The following SLC25A17 variants were observed in gnomAD, a reference collection of about 807,000 sequenced individuals.
The protein encoded by SLC25A17 is peroxisomal membrane protein PMP34.
In SLC25A17, 26 loss-of-function variants were observed where a neutral mutation model predicts 38.5. The observed-to-expected ratio is 0.68, with a 90% CI of 0.50 to 0.94. SLC25A17 has a LOEUF of 0.94. Ranked by LOEUF, SLC25A17 falls within the 40% of genes least tolerant of loss-of-function variation. The pLI is 0.00. For synonymous variants in SLC25A17, 139 were observed against 136.2 expected, an observed-to-expected ratio of 1.02 and a Z score of -0.14; for missense variants, 333 against 372.7, an observed-to-expected ratio of 0.89 and a Z score of 0.88.
Position 40,794,543 on chromosome 22 carries a change from C to T in SLC25A17, c.153G>A (p.Val51=), listed in dbSNP as rs1315038952. 1.9e-6 allele frequency: 3 copies of T among 1,611,864 alleles called. No individual in the cohort carries two copies. Among genetic ancestry groups the T allele is most frequent in the South Asian group, 1.1e-5 (1 of 90,964 alleles). The change falls in exon 3 of 9, where the codon GTG becomes GTA. Residue 51 remains valine (V), a synonymous_variant. Coordinates refer to ENST00000435456, the MANE Select transcript of SLC25A17 (RefSeq NM_006358.4). The part of the protein sequence containing the change: ...EKRKSKTTHM[V]LLEIIKEEGL... ...CTTCTTCTTTAATGATCTCCAGGAG[C>T]ACCATGTGTGTAGTTTTGGATTTTC...
chr22:40,803,805 C>T (rs2057504594), intron 1 of SLC25A17, among the ~76,000 whole-genome samples: 1 of 150,496 alleles, frequency 6.6e-6, no homozygotes, highest in South Asian at 2.1e-4. Flanking sequence ...TCCTCACCAG[C>T]ATTTGCTAGT....
At chr22:40,815,274 A>G (rs1164475059) in intron 1 of SLC25A17, among the ~76,000 whole-genome samples, 1 of 152,340 alleles carries the variant, frequency 6.6e-6, no homozygotes, top group East Asian at 1.9e-4. Flanking sequence ...GGTTAAAGCT[A>G]TAGGAAAGAG....
In SLC25A17 at chr22:40,794,577, TCAACTA is replaced by T. The variant is rs758189000; in HGVS notation, c.116-3_118del. The T allele has an allele frequency of 6.2e-7, 1 of 1,606,260 alleles. No homozygotes were observed. Among genetic ancestry groups the T allele is most frequent in the East Asian group, 2.2e-5 (1 of 44,790 alleles). ...TGTAGTTTTGGATTTTCTTTTCTCA[TCAACTA>T]CAAGACCAAACAGTGCATGTTTATT... On this transcript the variant is annotated splice_acceptor_variant and splice_polypyrimidine_tract_variant and coding_sequence_variant and intron_variant, in exon 3 of 9. Coordinates refer to ENST00000435456, the MANE Select transcript of SLC25A17 (RefSeq NM_006358.4). LOFTEE classifies it high-confidence loss of function.
At chr22:40,809,898 G>C (rs2057563566) in intron 1 of SLC25A17, among the ~76,000 whole-genome samples, 1 of 151,978 alleles carries the variant, frequency 6.6e-6, no homozygotes, top group Admixed American at 6.6e-5. Flanking sequence ...TCCTTTCCAG[G>C]AAAACTCTAT....
At chr22:40,784,913 G>A (rs12160193) in intron 4 of SLC25A17, among the ~76,000 whole-genome samples, 8 of 152,052 alleles carry the variant, frequency 5.3e-5, no homozygotes, top group African/African-American at 1.9e-4. Flanking sequence ...GCAGCCAACT[G>A]TTCAAATAAG....
chr22:40,786,519 C>T (rs1006094118), intron 4 of SLC25A17, among the ~76,000 whole-genome samples: 1 of 152,168 alleles, frequency 6.6e-6, no homozygotes, highest in Non-Finnish European at 1.5e-5. Context: ...AACCTACATA[C>T]ATCCTCCCAT....
chr22:40,779,248 AG>A (rs1362420988), intron 4 of SLC25A17, 123 bp from the exon 5 acceptor site: 3 of 1,545,230 alleles, frequency 1.9e-6, no homozygotes, highest in Non-Finnish European at 2.6e-6. Context: ...AGGAGACCTA[AG>A]GTAAGGTGTC....
At chr22:40,776,869 G>A (rs914059404) in intron 7 of SLC25A17, among the ~76,000 whole-genome samples, 171 bp downstream of exon 7, 2 of 152,070 alleles carry the variant, frequency 1.3e-5, no homozygotes, top group Non-Finnish European at 2.9e-5. Context: ...ACTCCAACCT[G>A]GGTGACAGAG....
At chr22:40,804,475 T>A (rs1387254865) in intron 1 of SLC25A17, among the ~76,000 whole-genome samples, 4 of 152,212 alleles carry the variant, frequency 2.6e-5, no homozygotes, top group East Asian at 1.9e-4. Flanking sequence ...AGCTTTTTTT[T>A]AAGTATCTCT....
chr22:40,793,830 C>T (rs2057404457), intron 3 of SLC25A17, among the ~76,000 whole-genome samples: 1 of 152,094 alleles, frequency 6.6e-6, no homozygotes, highest in Admixed American at 6.6e-5. Flanking sequence ...CAGGCTGTCT[C>T]GAACTCCTGA....
intron 1 of SLC25A17, 114 bp downstream of exon 1, chr22:40,819,081 G>A: frequency 8.8e-7 from 1 of 1,131,666 alleles, no homozygotes; most frequent in Non-Finnish European, 1.3e-6. Context: ...TCATGACAGT[G>A]GACCCCAACC....
At chr22:40,797,263 A>T in intron 2 of SLC25A17, 1 of 1,205,892 alleles carries the variant, frequency 8.3e-7, no homozygotes, top group Non-Finnish European at 1.1e-6. Flanking sequence ...CCTTTGAATT[A>T]CTATTGAAAG....
chr22:40,778,845 T>A (rs908426596), intron 5 of SLC25A17, among the ~76,000 whole-genome samples, 164 bp downstream of exon 5: 1 of 151,840 alleles, frequency 6.6e-6, no homozygotes, highest in Admixed American at 6.6e-5. Flanking sequence ...AGGGCTAATA[T>A]CCAGAATCAA....
chr22:40,779,452 T>A (rs1405875285), intron 4 of SLC25A17: 2 of 560,662 alleles, frequency 3.6e-6, no homozygotes, highest in Non-Finnish European at 6.2e-6. Context: ...TAAATATAAT[T>A]TTAACGTAAC....
chr22:40,776,976 A>C (rs2057249415), intron 7 of SLC25A17, 64 bp downstream of exon 7: 26 of 1,322,370 alleles, frequency 2.0e-5, no homozygotes, highest in African/African-American at 2.9e-5. Context: ...CATTGTTTTA[A>C]ATCAAGAGAC....
intron 1 of SLC25A17, among the ~76,000 whole-genome samples, chr22:40,803,843 T>C (rs1250612955): frequency 6.6e-6 from 1 of 151,162 alleles, no homozygotes; most frequent in Non-Finnish European, 1.5e-5. Flanking sequence ...TTTTAATGGC[T>C]AAGTTGGAAA....
In SLC25A17 at chr22:40,770,845, G is replaced by A; in HGVS notation, c.913C>T (p.His305Tyr). 6.2e-7 allele frequency: 1 copy of A among 1,610,600 alleles called. No homozygotes were observed. The highest frequency in any genetic ancestry group is 8.5e-7 in the Non-Finnish European group (1 of 1,177,756). ...TFTVMGLKRA[H>Y]QH The stretch of plus-strand genomic sequence containing the variant: ...CATGGGAAGGCGTCTCAGTGTTGGT[G>A]TGCACGCTTCAGCCCCATAACTGTG... The change falls in exon 9 of 9, where the codon CAC becomes TAC. Residue 305 changes from histidine to tyrosine, a missense_variant. Transcript: ENST00000435456.
chr22:40,817,369 A>T (rs2057652044), intron 1 of SLC25A17: 1 of 152,216 alleles, frequency 6.6e-6, no homozygotes, highest in Non-Finnish European at 1.5e-5. Flanking sequence ...CGGCCTCTTA[A>T]TGGTTAGCCT....
chr22:40,787,365 G>A (rs1217688732), intron 4 of SLC25A17, among the ~76,000 whole-genome samples: 1 of 152,196 alleles, frequency 6.6e-6, no homozygotes, highest in African/African-American at 2.4e-5. Context: ...GGCATAAGCA[G>A]ATTTGAGAAT....
Sources: allele counts gnomAD v4.1 joint callset (sites outside exome capture counted in the v4.1 genomes callset), GRCh38; gene constraint gnomAD v4.1.1; transcripts MANE v1.5; gene names NCBI Gene and HGNC (gene_info 2026-07-23, HGNC 2026-07-21).